The following NOTCH3 variants were observed in gnomAD, a reference collection of about 807,000 sequenced individuals.
NOTCH3 encodes the protein neurogenic locus notch homolog protein 3.
In NOTCH3, 86 loss-of-function variants were observed where a neutral mutation model predicts 213.3. The ratio of observed to expected loss-of-function variants is 0.40; its 90% CI spans 0.34 to 0.48. The LOEUF (loss-of-function observed/expected upper bound fraction) is 0.48. NOTCH3 is among the 20% of genes least tolerant of loss of function. NOTCH3 has a pLI of 0.57. For missense variants in NOTCH3, 2,783 were observed against 3,272.6 expected, an observed-to-expected ratio of 0.85 and a Z score of 3.65; for synonymous variants, 1,354 against 1,355.9, an observed-to-expected ratio of 1.00 and a Z score of 0.03.
chr19:15,186,863 CA>C lies in NOTCH3; in HGVS notation c.1951+14del. 1 of 1,607,846 alleles carries C rather than the reference CA, an allele frequency of 6.2e-7. No homozygotes were observed. The highest frequency in any genetic ancestry group is 1.1e-5 in the South Asian group (1 of 90,962). On this transcript the variant is annotated intron_variant, in intron 12 of 32. Coordinates refer to ENST00000263388, the MANE Select transcript of NOTCH3 (RefSeq NM_000435.3). ...TCGATCTAAGGACCCCCTCTCATGG[CA>C]GCCACTTGCCCACCTGTGAAGCCAG...
At chr19:15,164,206 T>C (rs2046666779) in intron 31 of NOTCH3, among the ~76,000 whole-genome samples, 1 of 144,338 alleles carries the variant, frequency 6.9e-6, no homozygotes, top group African/African-American at 2.6e-5. Context: ...GCATGTTAAT[T>C]ATATCTCAAT....
At chr19:15,162,888 C>T (rs931588538) in intron 31 of NOTCH3, among the ~76,000 whole-genome samples, 7 of 151,990 alleles carry the variant, frequency 4.6e-5, no homozygotes, top group African/African-American at 1.7e-4. Context: ...TAGTCAGTCA[C>T]ATGTGGTTTT....
Position 15,176,762 on chromosome 19 carries a change from T to TAA in NOTCH3, c.4403+761_4403+762dup, listed in dbSNP as rs61399527. Among the ~76,000 whole-genome samples, 25 of 55,638 alleles carry TAA rather than the reference T, an allele frequency of 4.5e-4. 1 individual carries two copies. Among genetic ancestry groups the TAA allele is most frequent in the South Asian group, 6.6e-4 (1 of 1,520 alleles). The allele number at this position is 55,638 out of a possible 152,430, so 36.5% of individuals were successfully genotyped here. A position where few individuals can be genotyped will look rare whatever the true frequency, so the allele number is the denominator to read the frequency against. Reference sequence around the variant, plus strand: ...TGGGCCACAGAGCAAGACCCTGTCTTAAAAAAAAAAAAAAAAAAAAAAAAA... The same window carrying TAA: ...TGGGCCACAGAGCAAGACCCTGTCTTAAAAAAAAAAAAAAAAAAAAAAAAAAA... On this transcript the variant is annotated intron_variant, in intron 24 of 32. Transcript: ENST00000263388.
intron 6 of NOTCH3, among the ~76,000 whole-genome samples, chr19:15,190,138 G>A (rs1030005434): frequency 1.3e-5 from 2 of 152,060 alleles, no homozygotes; most frequent in African/African-American, 2.4e-5. Context: ...GCCGGGCATG[G>A]TGGCGCACGC....
At position 15,188,976 on chromosome 19, in the gene NOTCH3, G is replaced by A. The variant is rs759351055; in HGVS notation, c.1378+13C>T. ...CTGCCTCAGGACCCGCCCAGGCCAC[G>A]CCCACCACCCACCTGCCATACAGAT... is the stretch of plus-strand genomic sequence containing the variant. On this transcript the variant is annotated intron_variant, in intron 8 of 32. Transcript: ENST00000263388. The A allele has an allele frequency of 1.2e-6, 2 of 1,605,412 alleles. No homozygotes were observed. The highest frequency in any genetic ancestry group is 1.7e-5 in the Admixed American group (1 of 59,002).
intron 28 of NOTCH3, 96 bp downstream of exon 28, chr19:15,169,990 A>G (rs2046717291): frequency 4.2e-6 from 3 of 711,854 alleles, no homozygotes; most frequent in Non-Finnish European, 7.7e-6. Context: ...CAGCGGTGCC[A>G]TCCCCTGATC....
intron 15 of NOTCH3, 51 bp downstream of exon 15, chr19:15,184,855 T>A: frequency 9.7e-7 from 1 of 1,034,970 alleles, no homozygotes; most frequent in East Asian, 2.6e-5. Flanking sequence ...CCTGATAGGG[T>A]AGGGGGCAGA....
At position 15,173,098 on chromosome 19, in the gene NOTCH3, CTTCTTCTTTTTTTTTTTTTT is replaced by C. The variant is rs1568351336; in HGVS notation, c.4736+950_4736+969del. 3.5e-4 allele frequency among the ~76,000 whole-genome samples: 17 copies of C among 48,910 alleles called. 4 individuals carry two copies. Among genetic ancestry groups the C allele is most frequent in the African/African-American group, 3.0e-3 (14 of 4,704 alleles). 32.1% of individuals were successfully genotyped at this position (48,910 alleles called of 152,430 possible). A position where few individuals can be genotyped will look rare whatever the true frequency, so the allele number is the denominator to read the frequency against. ...TCTTCTTCTTCTTCTTCTTCTTCTT[CTTCTTCTTTTTTTTTTTTTT>C]TTTTTTTTTTAAGAGATCGGAGGCC... is the stretch of plus-strand genomic sequence containing the variant. On this transcript the variant is annotated intron_variant, in intron 25 of 32. Coordinates refer to ENST00000263388, the MANE Select transcript of NOTCH3 (RefSeq NM_000435.3).
chr19:15,197,441 G>GGGGGCCCCCCC, intron 2 of NOTCH3, 59 bp downstream of exon 2: 1 of 768,364 alleles, frequency 1.3e-6, no homozygotes, highest in Non-Finnish European at 2.3e-6. Flanking sequence ...AAGACAAATC[G>GGGGGCCCCCCC]CCCCTCCCCC....
chr19:15,187,794 C>T (rs2046895773), intron 10 of NOTCH3, 87 bp downstream of exon 10: 1 of 1,129,804 alleles, frequency 8.9e-7, no homozygotes, highest in East Asian at 2.6e-5. Context: ...AACCCCGCCC[C>T]CAAGCTCTCC....
At chr19:15,176,015 G>T (rs925202275) in intron 24 of NOTCH3, among the ~76,000 whole-genome samples, 6 of 151,772 alleles carry the variant, frequency 4.0e-5, no homozygotes, top group Admixed American at 3.3e-4. Context: ...AGAGAGAGGG[G>T]CAGAAGAGGG....
Position 15,174,571 on chromosome 19 carries a change from A to ATTT in NOTCH3, c.4404-174_4404-172dup, listed in dbSNP as rs71168591. ...TGCAAATCTTGCCATTCACTGGATA[A>ATTT]TTTTTTTTTTTTTTTTTTGAGACGG... On this transcript the variant is annotated intron_variant, in intron 24 of 32. Transcript: ENST00000263388. Among the ~76,000 whole-genome samples, 231 of 145,532 alleles carry ATTT rather than the reference A, an allele frequency of 1.6e-3. 1 individual carries two copies. The highest frequency in any genetic ancestry group is 5.6e-3 in the African/African-American group (220 of 39,518).
chr19:15,160,415 A>G lies in NOTCH3; in HGVS notation c.*247T>C. The G allele has an allele frequency of 1.8e-6, 1 of 540,786 alleles. No individual in the cohort carries two copies. The highest frequency in any genetic ancestry group is 2.3e-5 in the South Asian group (1 of 43,980). 33.5% of individuals were successfully genotyped at this position (540,786 alleles called of 1,614,324 possible). Reference sequence around the variant, plus strand: ...GAATGAGGGAAGAGAGAAGTGGGGAAGAAGGAGGTCCCAGACTCTTCACAA... The same window carrying G: ...GAATGAGGGAAGAGAGAAGTGGGGAGGAAGGAGGTCCCAGACTCTTCACAA... On this transcript the variant is annotated 3_prime_UTR_variant, in exon 33 of 33. Transcript: ENST00000263388.
intron 1 of NOTCH3, 106 bp from the exon 2 acceptor site, chr19:15,197,684 A>T: frequency 2.5e-5 from 19 of 765,402 alleles, no homozygotes; most frequent in East Asian, 1.2e-4. Flanking sequence ...CTGCATGGGG[A>T]TGGGGGCGTC....
In NOTCH3 at chr19:15,184,948, G is replaced by A; in HGVS notation, c.2368C>T (p.Pro790Ser). 2 of 1,549,766 alleles carry A rather than the reference G, an allele frequency of 1.3e-6. No individual in the cohort carries two copies. The highest frequency in any genetic ancestry group is 1.7e-6 in the Non-Finnish European group (2 of 1,146,158). Residue 790 changes from proline (P) to serine (S), a missense_variant, in exon 15 of 33, where the codon CCT (proline) becomes TCT (serine). Coordinates refer to ENST00000263388, the MANE Select transcript of NOTCH3 (RefSeq NM_000435.3). ...CEHGGRCESA[P>S]GQLPVCSCPQ... ...CAGGAGCAGACAGGCAGCTGGCCAGGGGCAGACTCGCAGCGGCCCCCATGC... is the reference window on the plus strand; with the variant it reads ...CAGGAGCAGACAGGCAGCTGGCCAGAGGCAGACTCGCAGCGGCCCCCATGC...
chr19:15,178,571 G>A, intron 23 of NOTCH3: 1 of 556,670 alleles, frequency 1.8e-6, no homozygotes, highest in Non-Finnish European at 3.2e-6. Flanking sequence ...TTTTAGTAGA[G>A]ACGGGGTTTC....
chr19:15,198,208 T>C (rs2086421116), intron 1 of NOTCH3, among the ~76,000 whole-genome samples: 1 of 152,198 alleles, frequency 6.6e-6, no homozygotes, highest in African/African-American at 2.4e-5. Context: ...TCGCCATCCC[T>C]AAGGGCTGTG....
chr19:15,173,685 C>A (rs2145407429), intron 25 of NOTCH3, among the ~76,000 whole-genome samples: 1 of 143,048 alleles, frequency 7.0e-6, no homozygotes, highest in Non-Finnish European at 1.5e-5. Context: ...GCTGAGATCA[C>A]GCCACTGCAC....
In NOTCH3 at chr19:15,180,757, G is replaced by C. The variant is rs2145421773; in HGVS notation, c.3066C>G (p.Cys1022Trp). 6.3e-7 allele frequency: 1 copy of C among 1,598,736 alleles called. No homozygotes were observed. Among genetic ancestry groups the C allele is most frequent in the Non-Finnish European group, 8.5e-7 (1 of 1,173,562 alleles). The stretch of plus-strand genomic sequence containing the variant: ...GTCCGCTCCATCCAGGGGGACAAAG[G>C]CAATAGGCCCCAGTCTGGACGCAGC... Reference protein sequence around the residue: ...GGRCVQTGAYCLCPPGWSGRL... With the variant: ...GGRCVQTGAYWLCPPGWSGRL... The change falls in exon 19 of 33, where the codon TGC (cysteine) becomes TGG (tryptophan). Residue 1022 changes from cysteine to tryptophan, a missense_variant. Physicochemically the swap from Cys to Trp is radical, Grantham distance 215. This residue lies in a region of NOTCH3 where 861 missense variants were observed against 909.1 expected (regional missense o/e 0.95). Coordinates refer to ENST00000263388, the MANE Select transcript of NOTCH3 (RefSeq NM_000435.3).
Sources: gnomAD v4.1 joint callset for allele counts (sites outside exome capture counted in the v4.1 genomes callset) on GRCh38, gnomAD v4.1.1 for gene constraint, gnomAD v4.1.1 regional missense constraint, MANE v1.5 for transcripts, NCBI Gene and HGNC (gene_info 2026-07-23, HGNC 2026-07-21) for gene names.